The following KRT28 variants were observed in gnomAD, a reference collection of about 807,000 sequenced individuals.
The protein encoded by KRT28 is keratin, type I cytoskeletal 28.
In KRT28, 45 loss-of-function variants were observed where a neutral mutation model predicts 48.1. That is an observed-to-expected ratio of 0.94 (90% confidence interval 0.74 to 1.20). The LOEUF is 1.20. Among genes scored for constraint, KRT28 ranks in the 50% most tolerant of loss-of-function variants. The pLI is 0.00. For missense variants in KRT28, 571 were observed against 574.1 expected (o/e 0.99, Z 0.06); for synonymous variants, 228 against 227.4 (o/e 1.00, Z -0.03).
intron 5 of KRT28, among the ~76,000 whole-genome samples, chr17:40,794,876 G>A (rs1429945590): frequency 1.3e-5 from 2 of 152,040 alleles, no homozygotes; most frequent in African/African-American, 4.8e-5. Context: ...ATCTTACATG[G>A]TTGAAAATGA....
chr17:40,793,109 T>TAAAAA (rs993725680), intron 7 of KRT28, 46 bp downstream of exon 7: 5 of 1,355,562 alleles, frequency 3.7e-6, no homozygotes, highest in Non-Finnish European at 5.1e-6. Flanking sequence ...CAAAAAAATT[T>TAAAAA]AAAAAAAGAA....
At chr17:40,794,925 C>T (rs1424192021) in intron 5 of KRT28, among the ~76,000 whole-genome samples, 5 of 152,160 alleles carry the variant, frequency 3.3e-5, no homozygotes, top group African/African-American at 4.8e-5. Flanking sequence ...CTGCCTCTTT[C>T]ATTACATTTT....
chr17:40,797,998 A>G (rs1904656246), intron 3 of KRT28, among the ~76,000 whole-genome samples: 1 of 152,180 alleles, frequency 6.6e-6, no homozygotes, highest in African/African-American at 2.4e-5. Context: ...GACCGCTGTC[A>G]TTTATTGAGT....
At chr17:40,796,361 T>C (rs1416113570) in intron 5 of KRT28, among the ~76,000 whole-genome samples, 1 of 152,244 alleles carries the variant, frequency 6.6e-6, no homozygotes, top group African/African-American at 2.4e-5. Context: ...GCTGAAGGCC[T>C]GGCTCCCAGG....
rs779356749 is a variant in KRT28, at chr17:40,799,470, G to A, written c.424C>T (p.Leu142=). The change falls in exon 1 of 8, where the codon CTA becomes TTA. Residue 142 remains leucine (L), a synonymous_variant. Transcript: ENST00000306658. ...TTATTCTTAAGATCCTCAATTGTTA[G>A]GTGATATCTGCTATAGTCATGATCA... The part of the protein sequence containing the change: ...GLDHDYSRYH[L]TIEDLKNKII... The A allele has an allele frequency of 1.2e-6, 2 of 1,609,462 alleles. No homozygotes were observed. Among genetic ancestry groups the A allele is most frequent in the South Asian group, 1.1e-5 (1 of 90,952 alleles).
At position 40,799,438 on chromosome 17, in the gene KRT28, T is replaced by A. The variant is rs780437385; in HGVS notation, c.450+6A>T. The A allele has an allele frequency of 2.7e-5, 43 of 1,590,618 alleles. No individual in the cohort carries two copies. The highest frequency in any genetic ancestry group is 8.6e-5 in the Admixed American group (5 of 58,108). On this transcript the variant is annotated splice_donor_region_variant and intron_variant, in intron 1 of 7. Coordinates refer to ENST00000306658, the MANE Select transcript of KRT28 (RefSeq NM_181535.3). ...TTGGGTTAGTTCCAAATCTGTGATT[T>A]CTCACCTTATTCTTAAGATCCTCAA...
rs372980066 is a variant in KRT28 at position 40,793,849 on chromosome 17, G to A, written c.1176C>T (p.Arg392=). 6.9e-5 allele frequency: 111 copies of A among 1,613,822 alleles called. No homozygotes were observed. Among genetic ancestry groups the A allele is most frequent in the Admixed American group, 3.3e-5 (2 of 59,994 alleles). ...HLEKEIETYC[R]LIDGDGNSCS... is the part of the protein sequence containing the mutation. ...CTTACTTTCCATCTCCATCTATCAG[G>A]CGGCAGTAGGTCTCAATTTCTTTTT... is the stretch of plus-strand genomic sequence containing the variant. The change falls in exon 6 of 8, where the codon CGC becomes CGT. Residue 392 remains arginine (R), a synonymous_variant. Coordinates refer to ENST00000306658, the MANE Select transcript of KRT28 (RefSeq NM_181535.3).
chr17:40,793,767 G>A lies in KRT28; in HGVS notation c.1196+62C>T, dbSNP rs1904545036. The A allele has an allele frequency of 3.3e-6, 5 of 1,508,918 alleles. No individual in the cohort carries two copies. In the Admixed American group the frequency reaches 6.7e-5, roughly 20 times the overall value. The allele number at this position is 1,508,918 out of a possible 1,614,324, so 93.5% of individuals were successfully genotyped here. A position where few individuals can be genotyped will look rare whatever the true frequency, so the allele number is the denominator to read the frequency against. On this transcript the variant is annotated intron_variant, in intron 6 of 7. Coordinates refer to ENST00000306658, the MANE Select transcript of KRT28 (RefSeq NM_181535.3). Reference sequence around the variant, plus strand: ...AGGCTTGGAAGTATGGAAGGCTAATGGGCAGCCCACATTTGTAGCTTAAAA... The same window carrying A: ...AGGCTTGGAAGTATGGAAGGCTAATAGGCAGCCCACATTTGTAGCTTAAAA...
Position 40,798,329 on chromosome 17 carries a change from A to G in KRT28, c.596T>C (p.Val199Ala), listed in dbSNP as rs773550139. The G allele has an allele frequency of 1.9e-5, 31 of 1,612,842 alleles. No individual in the cohort carries two copies. In the South Asian group the frequency reaches 3.1e-4, roughly 16 times the overall value. The change falls in exon 3 of 8, where the codon GTC (valine) becomes GCC (alanine). Residue 199 changes from valine (V) to alanine (A), a missense_variant. Val to Ala is a moderately conservative substitution (Grantham distance 64). Coordinates refer to ENST00000306658, the MANE Select transcript of KRT28 (RefSeq NM_181535.3). ...VEADINGLRR[V>A]LDELTLCRTD... ...CCTGCAGAGCGTCAGCTCGTCCAGGACTCGCCGTAATCCGTTGATGTCGGC... is the reference window on the plus strand; with the variant it reads ...CCTGCAGAGCGTCAGCTCGTCCAGGGCTCGCCGTAATCCGTTGATGTCGGC...
chr17:40,797,419 T>G, intron 3 of KRT28, 138 bp from the exon 4 acceptor site: 1 of 789,808 alleles, frequency 1.3e-6, no homozygotes, highest in South Asian at 1.8e-5. Context: ...TTAATTGACA[T>G]ATTCGGTCCA....
chr17:40,792,788 C>G (rs1246572276), intron 7 of KRT28, among the ~76,000 whole-genome samples: 3 of 152,072 alleles, frequency 2.0e-5, no homozygotes, highest in Admixed American at 6.6e-5. Flanking sequence ...TGTATGACTG[C>G]CATTAATGTA....
At chr17:40,794,249 A>G (rs559066865) in intron 5 of KRT28, among the ~76,000 whole-genome samples, 1 of 152,340 alleles carries the variant, frequency 6.6e-6, no homozygotes, top group African/African-American at 2.4e-5. Flanking sequence ...GACCCGGGAT[A>G]AATGGCCCTT....
chr17:40,797,034 G>T lies in KRT28; in HGVS notation c.860C>A (p.Ser287Ter). 1 of 1,611,764 alleles carries T rather than the reference G, an allele frequency of 6.2e-7. No individual in the cohort carries two copies. Among genetic ancestry groups the T allele is most frequent in the Non-Finnish European group, 8.5e-7 (1 of 1,178,826 alleles). ...GTCGTGGGAGATCTGTTGCTGCAGC[G>T]AGGCGCTCTGTAGGGCCGGGAAAAA... ...AEAWFNEKSA[S>*]LQQQISHDSG... is the part of the protein sequence containing the mutation. The change falls in exon 5 of 8, where the codon TCG (serine) becomes TAG (stop). Residue 287 changes from serine (S) to a stop codon, truncating the protein, a stop_gained. Transcript: ENST00000306658. LOFTEE classifies it high-confidence loss of function.
intron 3 of KRT28, among the ~76,000 whole-genome samples, 160 bp downstream of exon 3, chr17:40,798,075 T>C (rs1218091588): frequency 6.6e-6 from 1 of 152,184 alleles, no homozygotes; most frequent in Non-Finnish European, 1.5e-5. Flanking sequence ...CCTTTTAACA[T>C]CCCCTCGTAG....
chr17:40,793,004 G>A (rs933425394), intron 7 of KRT28, 151 bp downstream of exon 7: 2 of 528,446 alleles, frequency 3.8e-6, no homozygotes, highest in African/African-American at 2.0e-5. Context: ...AGAGGCTGGG[G>A]CAGGAGAATC....
At chr17:40,793,789 A>G in intron 6 of KRT28, 40 bp downstream of exon 6, 4 of 1,601,404 alleles carry the variant, frequency 2.5e-6, no homozygotes, top group Non-Finnish European at 3.4e-6. Context: ...TTTGTAGCTT[A>G]AAAGAGGTAA....
chr17:40,798,686 T>C (rs1904678380), intron 2 of KRT28, among the ~76,000 whole-genome samples: 1 of 152,204 alleles, frequency 6.6e-6, no homozygotes, highest in Admixed American at 6.5e-5. Flanking sequence ...TTACTGAGCA[T>C]CTACTTTGTG....
chr17:40,799,869 A>G lies in KRT28; in HGVS notation c.25T>C (p.Ser9Pro), dbSNP rs149996042. The change falls in exon 1 of 8, where the codon TCC becomes CCC. Residue 9 changes from serine (S) to proline (P), a missense_variant. Physicochemically the swap from Ser to Pro is moderately conservative, Grantham distance 74 (BLOSUM62 -1). Transcript: ENST00000306658. Reference sequence around the variant, plus strand: ...CCAGACCTTAAGCAAACATGCCTGGATCCATTAGAAAATTGGAGAGACATG... The same window carrying G: ...CCAGACCTTAAGCAAACATGCCTGGGTCCATTAGAAAATTGGAGAGACATG... MSLQFSNGSRHVCLRSGAG... is the reference protein window; with the variant it reads MSLQFSNGPRHVCLRSGAG... The G allele has an allele frequency of 5.7e-4, 918 of 1,612,190 alleles. 1 individual carries two copies. Among genetic ancestry groups the G allele is most frequent in the Non-Finnish European group, 7.0e-4 (830 of 1,179,498 alleles).
At position 40,799,740 on chromosome 17, in the gene KRT28, C is replaced by A. The variant is rs1326303952; in HGVS notation, c.154G>T (p.Gly52Cys). 26 of 1,614,110 alleles carry A rather than the reference C, an allele frequency of 1.6e-5. No homozygotes were observed. The highest frequency in any genetic ancestry group is 2.2e-5 in the Non-Finnish European group (26 of 1,180,018). Residue 52 changes from glycine (G) to cysteine (C), a missense_variant, in exon 1 of 8, where the codon GGC becomes TGC. Gly to Cys is a radical substitution (Grantham distance 159). Transcript: ENST00000306658. ...CTCCCACCAGGAACACTGCCCAAGC[C>A]CCCTCCCAAGGCACAGGAAAATTCA... ...GSEFSCALGG[G>C]LGSVPGGSHA...
Sources: allele counts gnomAD v4.1 joint callset (sites outside exome capture counted in the v4.1 genomes callset), GRCh38; gene constraint gnomAD v4.1.1; transcripts MANE v1.5; gene names NCBI Gene and HGNC (gene_info 2026-07-23, HGNC 2026-07-21).